Variants in KANK1 observed in about 807,000 individuals in gnomAD.
The protein encoded by KANK1 is KN motif and ankyrin repeat domains 1, also known as KN motif and ankyrin repeat domain-containing protein 1.
KANK1 carries 109 observed loss-of-function variants against 106.2 expected under a neutral mutation model. The observed-to-expected ratio is 1.03, with a 90% confidence interval of 0.88 to 1.20. The LOEUF (loss-of-function observed/expected upper bound fraction) is 1.20, where lower values mean the gene tolerates loss of function less well. Ranked by LOEUF, KANK1 falls within the 50% of genes most tolerant of loss-of-function variation. The pLI, the probability that KANK1 is intolerant of heterozygous loss-of-function variation, is 0.00. For synonymous variants in KANK1, 873 were observed against 652.2 expected (o/e 1.34, Z -5.16); for missense variants, 2,399 against 1,710.7 (o/e 1.40, Z -7.10).
rs537456698 is a variant in KANK1, at chr9:707,404, AC to A, written c.38-3399del. On this transcript the variant is annotated intron_variant, in intron 2 of 11. Transcript: ENST00000382297. Reference sequence around the variant, plus strand: ...CTTAGACCCGCCGGCTCCCACACACACATCCCGGGAGGCCCGGATCAGCCTG... The same window carrying A: ...CTTAGACCCGCCGGCTCCCACACACAATCCCGGGAGGCCCGGATCAGCCTG... Among the ~76,000 whole-genome samples the A allele has an allele frequency of 1.3e-3, 198 of 152,368 alleles. 2 individuals are homozygous for A. Among genetic ancestry groups the A allele is most frequent in the African/African-American group, 4.5e-3 (186 of 41,594 alleles).
At chr9:616,706 C>T (rs933650365) in intron 1 of KANK1, among the ~76,000 whole-genome samples, 6 of 151,150 alleles carry the variant, frequency 4.0e-5, no homozygotes, top group African/African-American at 1.5e-4. Context: ...TTTTTTTACT[C>T]ATATGCTACA....
intron 1 of KANK1, among the ~76,000 whole-genome samples, chr9:676,538 A>T (rs1816447273): frequency 6.6e-6 from 1 of 152,250 alleles, no homozygotes; most frequent in Admixed American, 6.5e-5. Context: ...GAATTTGGAA[A>T]GGAAGATATG....
chr9:712,517 G>A lies in KANK1; in HGVS notation c.1751G>A (p.Arg584Lys). The A allele has an allele frequency of 6.2e-7, 1 of 1,614,192 alleles. No homozygotes were observed. The highest frequency in any genetic ancestry group is 8.5e-7 in the Non-Finnish European group (1 of 1,180,046). The change falls in exon 3 of 12, where the codon AGG becomes AAG. Residue 584 changes from arginine (R) to lysine (K), a missense_variant. Physicochemically the swap from Arg to Lys is conservative, Grantham distance 26 (BLOSUM62 2). Coordinates refer to ENST00000382297, the MANE Select transcript of KANK1 (RefSeq NM_015158.5). ...RVEMHDRCAG[R>K]SVEMCDKSVS... Reference sequence around the variant, plus strand: ...GAAATGCATGACCGATGTGCTGGGAGGTCTGTGGAAATGTGTGACAAGAGT... The same window carrying A: ...GAAATGCATGACCGATGTGCTGGGAAGTCTGTGGAAATGTGTGACAAGAGT...
chr9:507,611 C>T (rs928450877), intron 1 of KANK1, among the ~76,000 whole-genome samples: 1 of 145,064 alleles, frequency 6.9e-6, no homozygotes, highest in African/African-American at 2.6e-5. Flanking sequence ...GGCTGGAGTG[C>T]AGTGGCGCGA....
At chr9:599,663 G>A (rs746334967) in intron 1 of KANK1, among the ~76,000 whole-genome samples, 1 of 151,792 alleles carries the variant, frequency 6.6e-6, no homozygotes, top group African/African-American at 2.4e-5. Flanking sequence ...GCAGGTCCAC[G>A]TGCAGGTCTG....
At chr9:609,088 TGACCCCTA>T (rs1302394243) in intron 1 of KANK1, among the ~76,000 whole-genome samples, 2 of 151,886 alleles carry the variant, frequency 1.3e-5, no homozygotes, top group Non-Finnish European at 2.9e-5. Context: ...GAAGAAGACT[TGACCCCTA>T]ACCCTTCAGA....
intron 1 of KANK1, among the ~76,000 whole-genome samples, chr9:626,704 A>G (rs1834426956): frequency 6.6e-6 from 1 of 152,254 alleles, no homozygotes; most frequent in Admixed American, 6.5e-5. Context: ...ACAAAAAACA[A>G]AACCCACCAA....
At chr9:665,128 TG>T (rs1844273090) in intron 1 of KANK1, among the ~76,000 whole-genome samples, 2 of 152,192 alleles carry the variant, frequency 1.3e-5, no homozygotes, top group South Asian at 4.1e-4. Context: ...TTCTTCACCT[TG>T]TTTGAGTGTT....
chr9:703,298 G>A (rs1165635202), intron 2 of KANK1, among the ~76,000 whole-genome samples: 1 of 152,042 alleles, frequency 6.6e-6, no homozygotes, highest in African/African-American at 2.4e-5. Flanking sequence ...GGCCTGCATT[G>A]TTGATATATG....
intron 1 of KANK1, among the ~76,000 whole-genome samples, chr9:646,360 A>G (rs534690009): frequency 6.6e-6 from 1 of 150,924 alleles, no homozygotes; most frequent in Non-Finnish European, 1.5e-5. Flanking sequence ...GAAAATTTAA[A>G]ATAAGTAAAT....
intron 1 of KANK1, among the ~76,000 whole-genome samples, chr9:659,773 C>T (rs1419905848): frequency 6.6e-6 from 1 of 151,954 alleles, no homozygotes; most frequent in African/African-American, 2.4e-5. Flanking sequence ...ATGATCTAAT[C>T]ACTTCCCACC....
At chr9:698,432 A>T (rs1451200652) in intron 2 of KANK1, among the ~76,000 whole-genome samples, 1 of 152,172 alleles carries the variant, frequency 6.6e-6, no homozygotes, top group Non-Finnish European at 1.5e-5. Context: ...CAGAAAAGGA[A>T]TCCCATCACT....
At chr9:731,381 T>G in intron 5 of KANK1, 115 bp downstream of exon 5, 1 of 582,722 alleles carries the variant, frequency 1.7e-6, no homozygotes, top group Non-Finnish European at 3.1e-6. Context: ...TGATGAAAGA[T>G]TCCCTCCTCA....
Position 587,681 on chromosome 9 carries a change from A to G in KANK1, c.-84+82927A>G, listed in dbSNP as rs137959793. Among the ~76,000 whole-genome samples, 30 of 152,314 alleles carry G rather than the reference A, an allele frequency of 2.0e-4. No individual in the cohort carries two copies. The East Asian group carries it at 5.6e-3, about 28-fold the overall frequency. ...ATTTATTACATGCTTGTGCTGTGCC[A>G]AGCTAAATACCAAGCATTTTATATA... On this transcript the variant is annotated intron_variant, in intron 1 of 11. Transcript: ENST00000382297.
intron 1 of KANK1, among the ~76,000 whole-genome samples, chr9:561,209 G>T (rs984043264): frequency 6.6e-6 from 1 of 152,126 alleles, no homozygotes; most frequent in African/African-American, 2.4e-5. Flanking sequence ...GAATTTATGG[G>T]TAGACATAAG....
chr9:680,511 C>G (rs1266508626), intron 2 of KANK1, among the ~76,000 whole-genome samples: 4 of 152,142 alleles, frequency 2.6e-5, no homozygotes, highest in Admixed American at 2.0e-4. Flanking sequence ...ATATAACAAG[C>G]ACCTTTGTAC....
At chr9:509,376 G>A (rs2058928495) in intron 1 of KANK1, among the ~76,000 whole-genome samples, 1 of 152,208 alleles carries the variant, frequency 6.6e-6, no homozygotes, top group Admixed American at 6.5e-5. Flanking sequence ...GATTACAGGC[G>A]TGAGCCACTG....
intron 2 of KANK1, among the ~76,000 whole-genome samples, chr9:694,408 T>C (rs571477060): frequency 9.8e-5 from 15 of 152,356 alleles, no homozygotes; most frequent in Middle Eastern, 3.4e-3. Flanking sequence ...TCCAAGCTCA[T>C]TCTCTTCTGT....
At position 535,764 on chromosome 9, in the gene KANK1, C is replaced by G. The variant is rs569026625; in HGVS notation, c.-84+31010C>G. Among the ~76,000 whole-genome samples the G allele has an allele frequency of 1.1e-4, 16 of 152,278 alleles. No individual in the cohort carries two copies. In the South Asian group the frequency reaches 1.4e-3, roughly 14 times the overall value. On this transcript the variant is annotated intron_variant, in intron 1 of 11. Coordinates refer to ENST00000382297, the MANE Select transcript of KANK1 (RefSeq NM_015158.5). ...CTGTGTCCTTGACAGTTGAGATATT[C>G]TCTAAGGCTATTTATGTTCTCTCTA...
Sources: gnomAD v4.1 joint callset for allele counts (sites outside exome capture counted in the v4.1 genomes callset) on GRCh38, gnomAD v4.1.1 for gene constraint, MANE v1.5 for transcripts, NCBI Gene and HGNC (gene_info 2026-07-23, HGNC 2026-07-21) for gene names.